The following BCAS4 variants were observed in gnomAD, a reference collection of about 807,000 sequenced individuals.
The protein encoded by BCAS4 is breast carcinoma amplified sequence 4.
A neutral mutation model predicts 15.7 loss-of-function variants in BCAS4; 9 were observed. The ratio of observed to expected loss-of-function variants is 0.57; its 90% CI spans 0.34 to 1.00. BCAS4 has a LOEUF of 1.00. Among genes scored for constraint, BCAS4 ranks in the 50% least tolerant of loss-of-function variants. BCAS4 has a pLI of 0.02. For missense variants in BCAS4, 225 were observed against 239.1 expected (o/e 0.94, Z 0.39); for synonymous variants, 101 against 99.5 (o/e 1.02, Z -0.09).
intron 3 of BCAS4, among the ~76,000 whole-genome samples, chr20:50,831,479 C>G (rs1252934804): frequency 6.6e-6 from 1 of 152,164 alleles, no homozygotes; most frequent in Non-Finnish European, 1.5e-5. Context: ...GCTCTCCAGT[C>G]TTCCACAGTC....
intron 1 of BCAS4, among the ~76,000 whole-genome samples, chr20:50,803,221 G>A (rs936825642): frequency 1.3e-5 from 2 of 152,196 alleles, no homozygotes; most frequent in African/African-American, 4.8e-5. Flanking sequence ...ATAGCCCAGT[G>A]CCCATCAGTG....
chr20:50,824,429 T>A (rs889317082), intron 2 of BCAS4, among the ~76,000 whole-genome samples: 1 of 152,164 alleles, frequency 6.6e-6, no homozygotes, highest in Non-Finnish European at 1.5e-5. Context: ...AGACCAGGTC[T>A]GGAGAGGTGG....
intron 3 of BCAS4, among the ~76,000 whole-genome samples, chr20:50,832,309 G>A (rs2088353207): frequency 6.6e-6 from 1 of 151,756 alleles, no homozygotes; most frequent in Admixed American, 6.6e-5. Context: ...CCAGGCTAGA[G>A]TGCAGTGGCA....
intron 1 of BCAS4, among the ~76,000 whole-genome samples, chr20:50,816,791 A>ATTTTTTTTTTT (rs35600563): frequency 2.0e-4 from 16 of 80,924 alleles, no homozygotes; most frequent in South Asian, 4.4e-4. Flanking sequence ...TGCCTGGCTA[A>ATTTTTTTTTTT]TTTTTTTTTT....
intron 1 of BCAS4, among the ~76,000 whole-genome samples, chr20:50,801,813 G>T (rs2087929855): frequency 6.6e-6 from 1 of 152,160 alleles, no homozygotes. Flanking sequence ...ACACCTGAGG[G>T]GTGATAGGGA....
At chr20:50,849,064 T>C (rs1328965983) in intron 4 of BCAS4, among the ~76,000 whole-genome samples, 1 of 152,222 alleles carries the variant, frequency 6.6e-6, no homozygotes, top group African/African-American at 2.4e-5. Context: ...CCACAGCAGG[T>C]GTCCCCTTGG....
chr20:50,857,572 G>A (rs1160413917), intron 4 of BCAS4, among the ~76,000 whole-genome samples: 1 of 152,202 alleles, frequency 6.6e-6, no homozygotes. Context: ...GCTAGGAAGG[G>A]GGACCGCTGC....
At chr20:50,862,080 T>A (rs1445628280) in intron 4 of BCAS4, among the ~76,000 whole-genome samples, 1 of 152,054 alleles carries the variant, frequency 6.6e-6, no homozygotes, top group Non-Finnish European at 1.5e-5. Context: ...CCGGCTGGAT[T>A]CTTGAATTCC....
intron 3 of BCAS4, among the ~76,000 whole-genome samples, chr20:50,839,627 C>T (rs1033975336): frequency 1.2e-4 from 18 of 152,256 alleles, no homozygotes; most frequent in African/African-American, 2.2e-4. Context: ...CTTAGTCTCC[C>T]GAGTAGCTGG....
chr20:50,801,887 G>A (rs901407266), intron 1 of BCAS4, among the ~76,000 whole-genome samples: 2 of 152,116 alleles, frequency 1.3e-5, no homozygotes, highest in African/African-American at 4.8e-5. Flanking sequence ...CCCGGCCACA[G>A]GGGAAAGATG....
At chr20:50,817,773 G>A (rs1015206908) in intron 1 of BCAS4, among the ~76,000 whole-genome samples, 1 of 151,988 alleles carries the variant, frequency 6.6e-6, no homozygotes, top group East Asian at 1.9e-4. Flanking sequence ...TTTCCTCTCC[G>A]GGGTATCACC....
chr20:50,840,986 T>A (rs1431650379), intron 3 of BCAS4: 8 of 458,446 alleles, frequency 1.7e-5, no homozygotes, highest in South Asian at 1.7e-4. Flanking sequence ...TGTGCCACCA[T>A]GTCCGGCTAC....
At chr20:50,839,059 A>G (rs2088444952) in intron 3 of BCAS4, among the ~76,000 whole-genome samples, 1 of 152,206 alleles carries the variant, frequency 6.6e-6, no homozygotes, top group South Asian at 2.1e-4. Context: ...GGAGGACTGC[A>G]TTTCATGGTA....
chr20:50,838,161 TCATTCATG>T (rs1263567722), intron 3 of BCAS4, among the ~76,000 whole-genome samples: 1 of 152,238 alleles, frequency 6.6e-6, no homozygotes. Flanking sequence ...ACTCATTCAT[TCATTCATG>T]CACGTGTGCA....
intron 1 of BCAS4, among the ~76,000 whole-genome samples, chr20:50,806,541 C>A (rs2087991448): frequency 6.6e-6 from 1 of 152,232 alleles, no homozygotes; most frequent in Non-Finnish European, 1.5e-5. Flanking sequence ...GCCACCCTGG[C>A]AGTCCAGTAT....
intron 4 of BCAS4, among the ~76,000 whole-genome samples, chr20:50,860,651 G>A (rs1979020273): frequency 6.6e-6 from 1 of 152,160 alleles, no homozygotes; most frequent in Non-Finnish European, 1.5e-5. Context: ...CCAGGAGGGT[G>A]GGTCACCTGA....
chr20:50,840,110 A>G (rs1422293376), intron 3 of BCAS4, among the ~76,000 whole-genome samples: 1 of 152,180 alleles, frequency 6.6e-6, no homozygotes, highest in Non-Finnish European at 1.5e-5. Context: ...CCTGGCCTCA[A>G]GTGACCCTCC....
intron 4 of BCAS4, among the ~76,000 whole-genome samples, chr20:50,849,814 A>T (rs758146156): frequency 6.6e-5 from 10 of 152,126 alleles, no homozygotes; most frequent in Non-Finnish European, 1.2e-4. Flanking sequence ...TATTTTTCTA[A>T]CTGTTGAATA....
chr20:50,842,605 A>C (rs374141264), intron 4 of BCAS4, among the ~76,000 whole-genome samples: 5 of 152,166 alleles, frequency 3.3e-5, no homozygotes, highest in African/African-American at 1.2e-4. Context: ...TTTAGTAGAG[A>C]TGGGGTTTCA....
Sources: gnomAD v4.1 joint callset for allele counts (sites outside exome capture counted in the v4.1 genomes callset) on GRCh38, gnomAD v4.1.1 for gene constraint, MANE v1.5 for transcripts, NCBI Gene and HGNC (gene_info 2026-07-23, HGNC 2026-07-21) for gene names.